CCSER1: variants seen among roughly 807,000 people sequenced by gnomAD.
The protein encoded by CCSER1 is serine-rich coiled-coil domain-containing protein 1.
CCSER1 carries 41 observed loss-of-function variants against 82.0 expected under a neutral mutation model. The observed-to-expected ratio is 0.50, with a 90% CI of 0.39 to 0.65. The LOEUF is 0.65. Ranked by LOEUF, CCSER1 falls within the 30% of genes least tolerant of loss-of-function variation. The probability of loss-of-function intolerance (pLI) is 0.00; values close to 1 mark genes in which losing one functional copy is unlikely to be tolerated. For missense variants in CCSER1, 1,119 were observed against 1,064.2 expected (o/e 1.05, Z -0.72); for synonymous variants, 414 against 383.9 (o/e 1.08, Z -0.92).
intron 5 of CCSER1, among the ~76,000 whole-genome samples, chr4:90,501,345 A>G (rs1479660333): frequency 2.6e-5 from 4 of 152,196 alleles, no homozygotes; most frequent in African/African-American, 9.6e-5. Flanking sequence ...AATTAACGAT[A>G]TTAATATGTG....
At chr4:90,575,921 A>G (rs1235490013) in intron 5 of CCSER1, among the ~76,000 whole-genome samples, 1 of 151,966 alleles carries the variant, frequency 6.6e-6, no homozygotes, top group Non-Finnish European at 1.5e-5. Flanking sequence ...CTGTGAGTAT[A>G]TTTGCTTTAA....
chr4:91,594,392 CATATAT>C (rs1261315078), intron 10 of CCSER1, among the ~76,000 whole-genome samples: 1 of 138,814 alleles, frequency 7.2e-6, no homozygotes, highest in African/African-American at 2.7e-5. Context: ...CACATATATA[CATATAT>C]ACACATATAT....
chr4:90,619,228 G>T (rs1291369127), intron 5 of CCSER1, among the ~76,000 whole-genome samples: 1 of 151,826 alleles, frequency 6.6e-6, no homozygotes, highest in African/African-American at 2.4e-5. Context: ...ATGAGATTTT[G>T]TTAAACTCAT....
intron 10 of CCSER1, among the ~76,000 whole-genome samples, chr4:91,590,393 A>G (rs1764207100): frequency 6.6e-6 from 1 of 152,106 alleles, no homozygotes; most frequent in Admixed American, 6.6e-5. Flanking sequence ...AGCAGTAACT[A>G]CTTCTTTACA....
At chr4:91,080,571 C>T (rs1230627137) in intron 9 of CCSER1, among the ~76,000 whole-genome samples, 3 of 152,066 alleles carry the variant, frequency 2.0e-5, no homozygotes, top group East Asian at 1.9e-4. Flanking sequence ...AAGATCAGAG[C>T]AGAACTGAAG....
At chr4:90,920,095 G>C (rs1214145717) in intron 8 of CCSER1, among the ~76,000 whole-genome samples, 1 of 151,828 alleles carries the variant, frequency 6.6e-6, no homozygotes, top group East Asian at 1.9e-4. Flanking sequence ...CTGCTTACAT[G>C]GGAGAATACT....
At chr4:91,539,409 A>T (rs979693466) in intron 10 of CCSER1, among the ~76,000 whole-genome samples, 1 of 152,092 alleles carries the variant, frequency 6.6e-6, no homozygotes, top group Non-Finnish European at 1.5e-5. Flanking sequence ...TGAAGTTAAT[A>T]TTCTTCAATG....
chr4:90,493,733 C>T (rs1043358414), intron 5 of CCSER1, among the ~76,000 whole-genome samples: 1 of 152,198 alleles, frequency 6.6e-6, no homozygotes, highest in African/African-American at 2.4e-5. Flanking sequence ...TTTGTCACCA[C>T]CGCTCCTGCC....
intron 5 of CCSER1, among the ~76,000 whole-genome samples, chr4:90,534,033 T>C (rs1774961124): frequency 1.3e-5 from 2 of 152,236 alleles, no homozygotes; most frequent in Non-Finnish European, 2.9e-5. Context: ...TTCGAGTTGA[T>C]TGTACAATTG....
intron 9 of CCSER1, among the ~76,000 whole-genome samples, chr4:90,950,839 G>A (rs1561410012): frequency 1.3e-5 from 2 of 152,090 alleles, no homozygotes; most frequent in South Asian, 2.1e-4. Flanking sequence ...TGCTATTCCC[G>A]TGCTCTCTTT....
At chr4:90,822,890 C>G (rs2149793372) in intron 8 of CCSER1, among the ~76,000 whole-genome samples, 1 of 152,052 alleles carries the variant, frequency 6.6e-6, no homozygotes, top group South Asian at 2.1e-4. Context: ...AAAAGCAAAA[C>G]AAAAATACTT....
Position 90,153,456 on chromosome 4 carries a change from G to A in CCSER1, c.-42+25625G>A, listed in dbSNP as rs1317333830. Among the ~76,000 whole-genome samples the A allele has an allele frequency of 1.0e-4, 15 of 149,656 alleles. No individual in the cohort carries two copies. The East Asian group carries it at 1.2e-3, about 12-fold the overall frequency. On this transcript the variant is annotated intron_variant, in intron 1 of 10. Coordinates refer to ENST00000509176, the MANE Select transcript of CCSER1 (RefSeq NM_001145065.2). Reference sequence around the variant, plus strand: ...TCTAGTTCTAGATCCCTGAGGAATCGCCACACTGACTTCCACAATGGTTGA... The same window carrying A: ...TCTAGTTCTAGATCCCTGAGGAATCACCACACTGACTTCCACAATGGTTGA...
intron 10 of CCSER1, among the ~76,000 whole-genome samples, chr4:91,405,412 G>A (rs557666148): frequency 1.1e-4 from 17 of 152,172 alleles, no homozygotes; most frequent in Non-Finnish European, 2.1e-4. Context: ...AGGACTTCAT[G>A]TCTAAAATAC....
At chr4:91,375,320 A>C (rs1289782912) in intron 10 of CCSER1, among the ~76,000 whole-genome samples, 3 of 152,202 alleles carry the variant, frequency 2.0e-5, no homozygotes, top group Admixed American at 6.6e-5. Context: ...GATGGCACGA[A>C]ACATTGTTAA....
intron 1 of CCSER1, among the ~76,000 whole-genome samples, chr4:90,248,204 G>T (rs1299113835): frequency 1.3e-5 from 2 of 152,092 alleles, no homozygotes; most frequent in African/African-American, 4.8e-5. Flanking sequence ...TATAACACTG[G>T]CAGAAGGACC....
chr4:90,999,480 A>G (rs1311297161), intron 9 of CCSER1, among the ~76,000 whole-genome samples: 1 of 152,180 alleles, frequency 6.6e-6, no homozygotes, highest in East Asian at 1.9e-4. Context: ...TCTAATGATT[A>G]GTGATGATGA....
At chr4:91,047,540 A>G (rs749130362) in intron 9 of CCSER1, among the ~76,000 whole-genome samples, 8 of 151,978 alleles carry the variant, frequency 5.3e-5, no homozygotes, top group Admixed American at 2.0e-4. Flanking sequence ...CTTTCTACCA[A>G]TTGGATTCCA....
intron 1 of CCSER1, among the ~76,000 whole-genome samples, chr4:90,263,236 A>T (rs1296621768): frequency 2.6e-5 from 4 of 152,138 alleles, no homozygotes. Context: ...TAGTAGTAGG[A>T]GTTCCTGAGA....
chr4:90,887,215 A>C (rs1722260382), intron 8 of CCSER1, among the ~76,000 whole-genome samples: 1 of 152,186 alleles, frequency 6.6e-6, no homozygotes, highest in African/African-American at 2.4e-5. Flanking sequence ...GGCTGAGGAT[A>C]CTACCAGTAG....
Sources: gnomAD v4.1 joint callset for allele counts (sites outside exome capture counted in the v4.1 genomes callset) on GRCh38, gnomAD v4.1.1 for gene constraint, MANE v1.5 for transcripts, NCBI Gene and HGNC (gene_info 2026-07-23, HGNC 2026-07-21) for gene names.